The following WDFY3 variants were observed in gnomAD, a reference collection of about 807,000 sequenced individuals.
WDFY3 encodes WD repeat and FYVE domain-containing protein 3.
WDFY3 carries 66 observed loss-of-function variants against 409.6 expected under a neutral mutation model. That is an observed-to-expected ratio of 0.16 (90% confidence interval 0.13 to 0.20). WDFY3 has a LOEUF of 0.20. WDFY3 is among the 10% of genes least tolerant of loss of function. WDFY3 has a pLI of 1.00. For missense variants in WDFY3, 3,031 were observed against 4,298.1 expected, an observed-to-expected ratio of 0.71 and a Z score of 8.24; for synonymous variants, 1,521 against 1,537.1, an observed-to-expected ratio of 0.99 and a Z score of 0.25.
intron 1 of WDFY3, among the ~76,000 whole-genome samples, chr4:84,956,281 C>A (rs1307308739): frequency 6.6e-6 from 1 of 152,124 alleles, no homozygotes; most frequent in African/African-American, 2.4e-5. Flanking sequence ...AACACAGGTA[C>A]CAAAGGCTTA....
intron 62 of WDFY3, among the ~76,000 whole-genome samples, chr4:84,686,089 A>AG (rs1356847572): frequency 6.6e-6 from 1 of 152,202 alleles, no homozygotes; most frequent in Non-Finnish European, 1.5e-5. Flanking sequence ...GCAGATCACA[A>AG]GGTCAGGAGA....
At chr4:84,799,420 C>T (rs1296081526) in intron 17 of WDFY3, among the ~76,000 whole-genome samples, 1 of 151,674 alleles carries the variant, frequency 6.6e-6, no homozygotes, top group Non-Finnish European at 1.5e-5. Flanking sequence ...AATCCTCCTG[C>T]GTTGGCCTCC....
In WDFY3 at chr4:84,736,274, A is replaced by T; in HGVS notation, c.6811T>A (p.Ser2271Thr). The T allele has an allele frequency of 1.9e-6, 3 of 1,613,282 alleles. No individual in the cohort carries two copies. Among genetic ancestry groups the T allele is most frequent in the Non-Finnish European group, 2.5e-6 (3 of 1,179,500 alleles). Residue 2271 changes from serine to threonine, a missense_variant, in exon 42 of 68, where the codon TCC becomes ACC. Transcript: ENST00000295888. Reference sequence around the variant, plus strand: ...CCACTGCTGACACGGGATAATTTGGACTGTGTGGTGGGCGCTAAAGCTTCT... The same window carrying T: ...CCACTGCTGACACGGGATAATTTGGTCTGTGTGGTGGGCGCTAAAGCTTCT... ...RGEALAPTTQSKLSRVSSGFG... is the reference protein window; with the variant it reads ...RGEALAPTTQTKLSRVSSGFG...
chr4:84,721,835 AAAC>A (rs376632842), intron 46 of WDFY3, among the ~76,000 whole-genome samples: 49 of 151,922 alleles, frequency 3.2e-4, no homozygotes, highest in African/African-American at 7.7e-4. Context: ...TTCTGTCTTA[AAAC>A]AACAACAACA....
Position 84,803,416 on chromosome 4 carries a change from A to G in WDFY3, c.2481T>C (p.Val827=). The part of the protein sequence containing the change: ...STPPVYPPKN[V]ADLKLHVTTS... ...TTGTCACATGTAGTTTCAGGTCGGCAACATTTTTAGGAGGGTAAACAGGGG... is the reference window on the plus strand; with the variant it reads ...TTGTCACATGTAGTTTCAGGTCGGCGACATTTTTAGGAGGGTAAACAGGGG... Residue 827 remains valine, a synonymous_variant, in exon 16 of 68, where the codon GTT becomes GTC. Transcript: ENST00000295888. The G allele has an allele frequency of 6.2e-7, 1 of 1,614,144 alleles. No individual in the cohort carries two copies. Among genetic ancestry groups the G allele is most frequent in the South Asian group, 1.1e-5 (1 of 91,078 alleles).
intron 2 of WDFY3, among the ~76,000 whole-genome samples, chr4:84,912,401 T>C (rs1249790888): frequency 6.6e-6 from 1 of 152,198 alleles, no homozygotes; most frequent in Non-Finnish European, 1.5e-5. Context: ...GTTTGCAAAA[T>C]ACTTTTTTAT....
Position 84,786,101 on chromosome 4 carries a change from C to T in WDFY3, c.3940G>A (p.Val1314Met). The T allele has an allele frequency of 6.2e-7, 1 of 1,612,364 alleles. No individual in the cohort carries two copies. The highest frequency in any genetic ancestry group is 1.7e-5 in the Admixed American group (1 of 59,624). The change falls in exon 24 of 68, where the codon GTG becomes ATG. Residue 1314 changes from valine (V) to methionine (M), a missense_variant. Physicochemically the swap from Val to Met is conservative, Grantham distance 21. Around this residue, in one of 16 missense-constraint regions of WDFY3, gnomAD observed 1,322 missense variants for 1,697.9 expected, o/e 0.78. Coordinates refer to ENST00000295888, the MANE Select transcript of WDFY3 (RefSeq NM_014991.6). The part of the protein sequence containing the change: ...AKSEGVVPSP[V>M]SLVPEEKVSF... Reference sequence around the variant, plus strand: ...ACTTTCTCCTCTGGTACTAATGACACAGGGGATGGCACCACCCCTTCGGAT... The same window carrying T: ...ACTTTCTCCTCTGGTACTAATGACATAGGGGATGGCACCACCCCTTCGGAT...
intron 24 of WDFY3, among the ~76,000 whole-genome samples, chr4:84,784,891 T>TATAC (rs1238884117): frequency 1.1e-3 from 39 of 36,926 alleles, no homozygotes; most frequent in African/African-American, 2.9e-3. Context: ...TATATATATA[T>TATAC]ACACACACAC....
At chr4:84,711,135 C>T (rs538166004) in intron 51 of WDFY3, among the ~76,000 whole-genome samples, 7 of 152,040 alleles carry the variant, frequency 4.6e-5, no homozygotes, top group Non-Finnish European at 1.0e-4. Context: ...TCTTTCCAGT[C>T]GATTATAAAG....
chr4:84,941,187 T>C (rs1296691217), intron 1 of WDFY3, among the ~76,000 whole-genome samples: 1 of 152,040 alleles, frequency 6.6e-6, no homozygotes, highest in Non-Finnish European at 1.5e-5. Flanking sequence ...ACTGTCTTTA[T>C]TCCAGGCAGC....
intron 32 of WDFY3, among the ~76,000 whole-genome samples, chr4:84,762,520 G>C (rs1234107396): frequency 1.3e-5 from 2 of 150,480 alleles, no homozygotes; most frequent in African/African-American, 4.9e-5. Flanking sequence ...GCTAGATGAC[G>C]AATTAGTGGG....
rs989626105 is a variant in WDFY3 at position 84,829,063 on chromosome 4, T to C, written c.897A>G (p.Thr299=). The C allele has an allele frequency of 6.2e-7, 1 of 1,613,580 alleles. No homozygotes were observed. The highest frequency in any genetic ancestry group is 1.3e-5 in the African/African-American group (1 of 74,892). The part of the protein sequence containing the change: ...FLKDSSDVSQ[T]LLDDFRIWQG... The stretch of plus-strand genomic sequence containing the variant: ...GCCATATCCGAAAATCATCCAGAAG[T>C]GTTTGGGAAACATCGCTGGAATCTT... Residue 299 remains threonine, a synonymous_variant, in exon 9 of 68, where the codon ACA becomes ACG. Transcript: ENST00000295888.
At chr4:84,686,659 G>A (rs113881138) in intron 62 of WDFY3, among the ~76,000 whole-genome samples, 3 of 152,272 alleles carry the variant, frequency 2.0e-5, no homozygotes, top group African/African-American at 7.2e-5. Flanking sequence ...TGGTAGGGGT[G>A]AGGGTAAGGT....
intron 3 of WDFY3, among the ~76,000 whole-genome samples, chr4:84,878,420 A>C (rs938574323): frequency 6.6e-6 from 1 of 152,200 alleles, no homozygotes; most frequent in Non-Finnish European, 1.5e-5. Context: ...AAACCTCACA[A>C]ATGAAAAAAA....
intron 36 of WDFY3, chr4:84,751,197 A>G: frequency 2.3e-6 from 1 of 442,584 alleles, no homozygotes; most frequent in Non-Finnish European, 4.2e-6. Context: ...TATGGCCCAC[A>G]AGCTTAAAAT....
At chr4:84,713,350 C>A in intron 50 of WDFY3, 111 bp from the exon 51 acceptor site, 1 of 896,396 alleles carries the variant, frequency 1.1e-6, no homozygotes, top group Non-Finnish European at 1.8e-6. Flanking sequence ...TCTACCCTCC[C>A]ATAACCCACT....
At chr4:84,880,915 G>T (rs1405990871) in intron 3 of WDFY3, among the ~76,000 whole-genome samples, 1 of 150,694 alleles carries the variant, frequency 6.6e-6, no homozygotes, top group African/African-American at 2.4e-5. Flanking sequence ...TAGAGAGGGG[G>T]TTTCGCCATG....
chr4:84,831,114 A>G (rs1363990908), intron 8 of WDFY3, among the ~76,000 whole-genome samples: 1 of 145,660 alleles, frequency 6.9e-6, no homozygotes, highest in African/African-American at 2.5e-5. Flanking sequence ...TGAACCCGGG[A>G]GGATGGAGGT....
Position 84,813,101 on chromosome 4 carries a change from T to C in WDFY3, c.1888-2757A>G, listed in dbSNP as rs553992946. On this transcript the variant is annotated intron_variant, in intron 13 of 67. Transcript: ENST00000295888. ...AATTAAATGACATAGTTCTGTGGTA[T>C]ATGTCAGTTGAATGGAGGCACTATG... 2.4e-4 allele frequency among the ~76,000 whole-genome samples: 36 copies of C among 152,272 alleles called. No homozygotes were observed. The East Asian group carries it at 6.9e-3, about 29-fold the overall frequency.
Sources: gnomAD v4.1 joint callset for allele counts (sites outside exome capture counted in the v4.1 genomes callset) on GRCh38, gnomAD v4.1.1 for gene constraint, gnomAD v4.1.1 regional missense constraint, MANE v1.5 for transcripts, NCBI Gene and HGNC (gene_info 2026-07-23, HGNC 2026-07-21) for gene names.